PABPC4L: variants seen among roughly 807,000 people sequenced by gnomAD.
The protein encoded by PABPC4L is polyadenylate-binding protein 4-like.
For missense variants in PABPC4L, 452 were observed against 451.4 expected, an observed-to-expected ratio of 1.00 and a Z score of -0.01; for synonymous variants, 169 against 164.1, an observed-to-expected ratio of 1.03 and a Z score of -0.23.
chr4:134,104,316 T>C, the PABPC4L span, among the ~76,000 whole-genome samples: 3 of 151,592 alleles, frequency 2.0e-5, no homozygotes, highest in Non-Finnish European at 4.4e-5. Flanking sequence ...ACCTGACCAT[T>C]ATCAGTTGAA....
chr4:134,180,065 A>T, the PABPC4L span, among the ~76,000 whole-genome samples: 1 of 152,120 alleles, frequency 6.6e-6, no homozygotes. Context: ...CATCAACAGG[A>T]CTCTTCATCC....
the PABPC4L span, among the ~76,000 whole-genome samples, chr4:134,031,012 G>A: frequency 6.6e-6 from 1 of 152,048 alleles, no homozygotes; most frequent in Non-Finnish European, 1.5e-5. Context: ...TGCACATGCA[G>A]ACATATGTAA....
At chr4:134,044,187 C>T in the PABPC4L span, among the ~76,000 whole-genome samples, 30 of 152,034 alleles carry the variant, frequency 2.0e-4, no homozygotes, top group African/African-American at 6.5e-4. Context: ...TGCCTTGGGC[C>T]TCCCAAAGTG....
At chr4:134,158,610 T>C in the PABPC4L span, among the ~76,000 whole-genome samples, 3 of 152,150 alleles carry the variant, frequency 2.0e-5, no homozygotes, top group Non-Finnish European at 4.4e-5. Flanking sequence ...TTATTTGCTT[T>C]ATAAGTGACT....
the PABPC4L span, among the ~76,000 whole-genome samples, chr4:134,102,556 A>G: frequency 2.6e-5 from 4 of 151,520 alleles, no homozygotes; most frequent in African/African-American, 9.7e-5. Flanking sequence ...AAGAGTAATG[A>G]TTTTGATTTT....
the PABPC4L span, among the ~76,000 whole-genome samples, chr4:134,108,926 C>T: frequency 6.6e-6 from 1 of 151,918 alleles, no homozygotes; most frequent in Non-Finnish European, 1.5e-5. Flanking sequence ...CCTTGACTGA[C>T]TTCCAACCCA....
At chr4:134,201,485 T>C in intron 1 of PABPC4L, among the ~76,000 whole-genome samples, 1 of 152,122 alleles carries the variant, frequency 6.6e-6, no homozygotes, top group Non-Finnish European at 1.5e-5. Context: ...TGCGAGGTTC[T>C]GCCCGGCAGA....
At chr4:133,959,660 C>A in the PABPC4L span, among the ~76,000 whole-genome samples, 7 of 152,224 alleles carry the variant, frequency 4.6e-5, no homozygotes, top group Admixed American at 4.6e-4. Context: ...AATGAAGAGA[C>A]CCAGAATGGA....
At chr4:134,007,751 A>G in the PABPC4L span, among the ~76,000 whole-genome samples, 2 of 151,744 alleles carry the variant, frequency 1.3e-5, no homozygotes, top group African/African-American at 4.8e-5. Context: ...TATCTGTATG[A>G]CCAAAAAGAA....
the PABPC4L span, among the ~76,000 whole-genome samples, chr4:133,958,227 G>C: frequency 6.6e-6 from 1 of 152,138 alleles, no homozygotes; most frequent in East Asian, 1.9e-4. Context: ...CAGATCTCTA[G>C]GGGAGGGGCA....
At chr4:134,109,218 T>G in the PABPC4L span, among the ~76,000 whole-genome samples, 1 of 152,000 alleles carries the variant, frequency 6.6e-6, no homozygotes, top group Non-Finnish European at 1.5e-5. Flanking sequence ...TATGTATACT[T>G]GTGTATATGC....
chr4:134,081,932 A>G, the PABPC4L span, among the ~76,000 whole-genome samples: 3 of 152,116 alleles, frequency 2.0e-5, no homozygotes, highest in South Asian at 4.1e-4. Flanking sequence ...ACACTTAATA[A>G]TAATAGAAGA....
At chr4:134,080,293 C>A in the PABPC4L span, among the ~76,000 whole-genome samples, 1 of 152,070 alleles carries the variant, frequency 6.6e-6, no homozygotes, top group Non-Finnish European at 1.5e-5. Context: ...TATTCATGAG[C>A]CTGTCACCTC....
At chr4:134,163,038 C>T in the PABPC4L span, among the ~76,000 whole-genome samples, 1 of 151,634 alleles carries the variant, frequency 6.6e-6, no homozygotes, top group Non-Finnish European at 1.5e-5. Flanking sequence ...GAAACTGAAA[C>T]AAAAAATTAC....
the PABPC4L span, among the ~76,000 whole-genome samples, chr4:134,095,116 A>T: frequency 2.9e-4 from 44 of 151,682 alleles, no homozygotes; most frequent in African/African-American, 9.9e-4. Flanking sequence ...TTCTTGGTAA[A>T]TTTTTTTTAA....
chr4:134,059,789 G>C, the PABPC4L span, among the ~76,000 whole-genome samples: 1 of 152,028 alleles, frequency 6.6e-6, no homozygotes, highest in Non-Finnish European at 1.5e-5. Context: ...GGCGAAGCAA[G>C]ATGGCCAAAT....
chr4:134,087,725 C>T, the PABPC4L span, among the ~76,000 whole-genome samples: 11 of 152,278 alleles, frequency 7.2e-5, no homozygotes, highest in South Asian at 2.1e-3. Flanking sequence ...ACAGAGACTT[C>T]CTCATCAAGG....
At chr4:134,151,502 T>C in the PABPC4L span, among the ~76,000 whole-genome samples, 1 of 152,072 alleles carries the variant, frequency 6.6e-6, no homozygotes, top group Non-Finnish European at 1.5e-5. Flanking sequence ...TCATTAAATA[T>C]TCTTTCTGAT....
chr4:134,063,581 T>C, the PABPC4L span, among the ~76,000 whole-genome samples: 2 of 152,226 alleles, frequency 1.3e-5, no homozygotes, highest in East Asian at 3.9e-4. Flanking sequence ...ATATTGACTG[T>C]ATACTGTGTC....
Sources: allele counts gnomAD v4.1 joint callset (sites outside exome capture counted in the v4.1 genomes callset), GRCh38; gene constraint gnomAD v4.1.1; transcripts MANE v1.5; gene names NCBI Gene and HGNC (gene_info 2026-07-23, HGNC 2026-07-21).